The following BBS2 variants were observed in gnomAD, a reference collection of about 807,000 sequenced individuals.
The protein encoded by BBS2 is Bardet-Biedl syndrome 2.
In BBS2, 62 loss-of-function variants were observed where a neutral mutation model predicts 83.0. The ratio of observed to expected loss-of-function variants is 0.75; its 90% CI spans 0.61 to 0.92. BBS2 has a LOEUF of 0.92. BBS2 is among the 40% of genes least tolerant of loss of function. BBS2 has a pLI of 0.00. For synonymous variants in BBS2, 303 were observed against 326.1 expected (o/e 0.93, Z 0.76); for missense variants, 784 against 901.0 (o/e 0.87, Z 1.66).
chr16:56,497,067 G>A lies in BBS2; in HGVS notation c.1810C>T (p.His604Tyr). ...GCACTGAGCTTCTGATGCACTGAAT[G>A]ATATTCATCCACCTGGAGACCATGA... ...RKVLVKVDEY[H>Y]SVHQKLSADM... The change falls in exon 15 of 17, where the codon CAT becomes TAT. Residue 604 changes from histidine to tyrosine, a missense_variant. Transcript: ENST00000245157. 1 of 1,611,384 alleles carries A rather than the reference G, an allele frequency of 6.2e-7. No homozygotes were observed. The highest frequency in any genetic ancestry group is 8.5e-7 in the Non-Finnish European group (1 of 1,177,520).
Position 56,519,828 on chromosome 16 carries a change from T to G in BBS2, c.35A>C (p.His12Pro). 6.2e-7 allele frequency: 1 copy of G among 1,613,850 alleles called. No individual in the cohort carries two copies. Residue 12 changes from histidine to proline, a missense_variant, in exon 1 of 17, where the codon CAC becomes CCC. By Grantham distance (77) the His-to-Pro change is moderately conservative (BLOSUM62 -2). Coordinates refer to ENST00000245157, the MANE Select transcript of BBS2 (RefSeq NM_031885.5). Reference protein sequence around the residue: ...LLPVFTLKLRHKISPRMVAIG... With the variant: ...LLPVFTLKLRPKISPRMVAIG... Reference sequence around the variant, plus strand: ...GGCCACCATTCGGGGGCTGATTTTGTGGCGCAGTTTCAGGGTGAACACAGG... The same window carrying G: ...GGCCACCATTCGGGGGCTGATTTTGGGGCGCAGTTTCAGGGTGAACACAGG...
intron 17 of BBS2, among the ~76,000 whole-genome samples, chr16:56,472,311 C>T (rs1430650711): frequency 3.9e-5 from 6 of 152,218 alleles, no homozygotes; most frequent in Non-Finnish European, 5.9e-5. Context: ...TTCATTTTTA[C>T]GGGAACCTGC....
chr16:56,488,725 G>A lies in BBS2; in HGVS notation c.1911-2987C>T, dbSNP rs542148119. ...AACTCTCAGCCCCTCTCCACTCCCT[G>A]GAGGTTGGGAGAGGGGTGGGCAGAA... On this transcript the variant is annotated intron_variant, in intron 15 of 16. Coordinates refer to ENST00000245157, the MANE Select transcript of BBS2 (RefSeq NM_031885.5). Among the ~76,000 whole-genome samples the A allele has an allele frequency of 3.3e-5, 5 of 152,202 alleles. 1 individual carries two copies. In the South Asian group the frequency reaches 1.0e-3, roughly 32 times the overall value.
chr16:56,474,923 G>A, intron 17 of BBS2: 1 of 1,613,874 alleles, frequency 6.2e-7, no homozygotes, highest in Non-Finnish European at 8.5e-7. Flanking sequence ...ATTTGCCCTA[G>A]ACTTAATTCT....
intron 15 of BBS2, among the ~76,000 whole-genome samples, chr16:56,494,618 G>A (rs992047604): frequency 2.0e-5 from 3 of 152,080 alleles, no homozygotes; most frequent in Middle Eastern, 3.2e-3. Flanking sequence ...CATGTCCAAA[G>A]GTAACTGTAT....
At chr16:56,473,910 G>A (rs957345592) in intron 17 of BBS2, among the ~76,000 whole-genome samples, 4 of 151,840 alleles carry the variant, frequency 2.6e-5, no homozygotes, top group Admixed American at 1.3e-4. Context: ...AGGTTCAAGC[G>A]ATTCTCATGC....
Position 56,519,961 on chromosome 16 carries a change from G to A in BBS2, c.-99C>T. ...CAAGAAGTGCAGGGACACTACCTGCGCGGCCCCAGCCGCCTCAGGCCGGAC... is the reference window on the plus strand; with the variant it reads ...CAAGAAGTGCAGGGACACTACCTGCACGGCCCCAGCCGCCTCAGGCCGGAC... On this transcript the variant is annotated 5_prime_UTR_variant, in exon 1 of 17. Coordinates refer to ENST00000245157, the MANE Select transcript of BBS2 (RefSeq NM_031885.5). The A allele has an allele frequency of 2.9e-6, 3 of 1,046,952 alleles. No homozygotes were observed. Among genetic ancestry groups the A allele is most frequent in the Non-Finnish European group, 2.9e-6 (2 of 685,288 alleles). 64.9% of individuals were successfully genotyped at this position (1,046,952 alleles called of 1,614,324 possible). A position where few individuals can be genotyped will look rare whatever the true frequency, so the allele number is the denominator to read the frequency against.
chr16:56,519,950 A>AGTGTCCCTG lies in BBS2; in HGVS notation c.-89_-88insCAGGGACAC. On this transcript the variant is annotated 5_prime_UTR_variant, in exon 1 of 17. Transcript: ENST00000245157. The stretch of plus-strand genomic sequence containing the variant: ...ACGCGCCCGGGCAAGAAGTGCAGGG[A>AGTGTCCCTG]CACTACCTGCGCGGCCCCAGCCGCC... The AGTGTCCCTG allele has an allele frequency of 5.1e-6, 6 of 1,171,658 alleles. No individual in the cohort carries two copies. The highest frequency in any genetic ancestry group is 7.6e-6 in the Non-Finnish European group (6 of 791,124). 72.6% of individuals were successfully genotyped at this position (1,171,658 alleles called of 1,614,324 possible). A position where few individuals can be genotyped will look rare whatever the true frequency, so the allele number is the denominator to read the frequency against.
Position 56,485,717 on chromosome 16 carries a change from A to AT in BBS2, c.1931dup (p.Tyr644Ter), listed in dbSNP as rs1963758780. The change falls in exon 16 of 17, where the codon TAT becomes TAAT. Residue 644 changes from tyrosine (Y) to a stop codon, truncating the protein, a stop_gained and frameshift_variant. Transcript: ENST00000245157. LOFTEE classifies it high-confidence loss of function. Reference sequence around the variant, plus strand: ...CTCTATTAAGGTCATAGAGTTCCATATAACGACTCTTCATTGTTTTCCTGT... The same window carrying AT: ...CTCTATTAAGGTCATAGAGTTCCATATTAACGACTCTTCATTGTTTTCCTGT... ...MRDMKTMKSR[Y>*]MELYDLNRDL... 1.2e-6 allele frequency: 2 copies of AT among 1,613,934 alleles called. No homozygotes were observed. The highest frequency in any genetic ancestry group is 1.7e-6 in the Non-Finnish European group (2 of 1,179,832).
chr16:56,515,618 T>A (rs1408877745), intron 1 of BBS2, among the ~76,000 whole-genome samples: 1 of 152,186 alleles, frequency 6.6e-6, no homozygotes, highest in Non-Finnish European at 1.5e-5. Flanking sequence ...ACATGAGTAT[T>A]TCATCTCTTT....
intron 3 of BBS2, 81 bp downstream of exon 3, chr16:56,511,078 T>G (rs1964563307): frequency 6.3e-7 from 1 of 1,585,114 alleles, no homozygotes; most frequent in South Asian, 1.1e-5. Flanking sequence ...ATATTATTAC[T>G]CAGTAGAGTT....
Position 56,505,987 on chromosome 16 carries a change from C to T in BBS2, c.767G>A (p.Gly256Glu). The change falls in exon 7 of 17, where the codon GGA becomes GAA. Residue 256 changes from glycine to glutamate, a missense_variant. By Grantham distance (98) the Gly-to-Glu change is moderately conservative (BLOSUM62 -2). Transcript: ENST00000245157. ...SIHAFDLNSD[G>E]VNELITGWSN... ...CCAACCAGTTATCAGTTCATTCACT[C>T]CATCAGAATTAAGGTCAAAAGCATG... 6.2e-7 allele frequency: 1 copy of T among 1,614,014 alleles called. No individual in the cohort carries two copies. Among genetic ancestry groups the T allele is most frequent in the Non-Finnish European group, 8.5e-7 (1 of 1,179,946 alleles).
intron 2 of BBS2, 120 bp downstream of exon 2, chr16:56,514,333 A>G: frequency 1.1e-6 from 1 of 899,482 alleles, no homozygotes. Flanking sequence ...CATGTTGTTT[A>G]CCTATACTAT....
intron 9 of BBS2, chr16:56,501,981 T>C (rs773944532): frequency 2.6e-4 from 104 of 402,144 alleles, no homozygotes; most frequent in Non-Finnish European, 3.7e-4. Flanking sequence ...TATCCTTCCA[T>C]ATCAGTCCAA....
intron 5 of BBS2, among the ~76,000 whole-genome samples, chr16:56,506,602 T>C (rs1175250910): frequency 6.6e-6 from 1 of 152,230 alleles, no homozygotes; most frequent in Non-Finnish European, 1.5e-5. Context: ...CTTTAATGAT[T>C]ATTACTTAAC....
chr16:56,478,003 T>C (rs530964246), intron 17 of BBS2: 1 of 152,368 alleles, frequency 6.6e-6, no homozygotes, highest in African/African-American at 2.4e-5. Flanking sequence ...ATTTATATAT[T>C]TTACACATGT....
At chr16:56,497,629 G>A in intron 14 of BBS2, 114 bp downstream of exon 14, 1 of 1,445,698 alleles carries the variant, frequency 6.9e-7, no homozygotes, top group Non-Finnish European at 9.6e-7. Context: ...TTCAAGAATT[G>A]CAAAAATTCT....
Position 56,519,672 on chromosome 16 carries a change from G to A in BBS2, c.117+74C>T, listed in dbSNP as rs558341798. On this transcript the variant is annotated intron_variant, in intron 1 of 16. Coordinates refer to ENST00000245157, the MANE Select transcript of BBS2 (RefSeq NM_031885.5). ...GGGGGCGGGGTCGGAGAGGGGACGGGATCCCAGGGGCGCGGCCGGCGGAGA... is the reference window on the plus strand; with the variant it reads ...GGGGGCGGGGTCGGAGAGGGGACGGAATCCCAGGGGCGCGGCCGGCGGAGA... 13 of 1,263,044 alleles carry A rather than the reference G, an allele frequency of 1.0e-5. No homozygotes were observed. The African/African-American group carries it at 1.2e-4, about 11-fold the overall frequency. 78.2% of individuals were successfully genotyped at this position (1,263,044 alleles called of 1,614,324 possible).
downstream of BBS2, chr16:56,470,426 A>G: frequency 2.8e-6 from 4 of 1,449,518 alleles, no homozygotes; most frequent in Non-Finnish European, 2.8e-6. Context: ...ATCAGCTTTT[A>G]TTCTGTGAGT....
Sources: gnomAD v4.1 joint callset for allele counts (sites outside exome capture counted in the v4.1 genomes callset) on GRCh38, gnomAD v4.1.1 for gene constraint, MANE v1.5 for transcripts, NCBI Gene and HGNC (gene_info 2026-07-23, HGNC 2026-07-21) for gene names.